SGMS1: variants seen among roughly 807,000 people sequenced by gnomAD.
SGMS1 encodes sphingomyelin synthase 1.
A neutral mutation model predicts 46.2 loss-of-function variants in SGMS1; 13 were observed. The observed-to-expected ratio is 0.28, with a 90% CI of 0.18 to 0.45. The LOEUF (loss-of-function observed/expected upper bound fraction) is 0.45, where lower values mean the gene tolerates loss of function less well. Ranked by LOEUF, SGMS1 falls within the 20% of genes least tolerant of loss-of-function variation. SGMS1 has a pLI of 1.00. For missense variants in SGMS1, 324 were observed against 519.9 expected (o/e 0.62, Z 3.66); for synonymous variants, 203 against 187.8 (o/e 1.08, Z -0.66).
intron 6 of SGMS1, among the ~76,000 whole-genome samples, chr10:50,383,568 C>T (rs1319561996): frequency 6.6e-6 from 1 of 151,946 alleles, no homozygotes; most frequent in Admixed American, 6.6e-5. Context: ...AATCTGGAGA[C>T]CCAGGATGTA....
intron 3 of SGMS1, among the ~76,000 whole-genome samples, chr10:50,475,120 C>A (rs1228959945): frequency 6.6e-6 from 1 of 152,166 alleles, no homozygotes; most frequent in African/African-American, 2.4e-5. Flanking sequence ...TTTTGACTAA[C>A]TTTCCATTTC....
chr10:50,517,364 A>C (rs891217202), intron 3 of SGMS1, among the ~76,000 whole-genome samples: 1 of 152,238 alleles, frequency 6.6e-6, no homozygotes, highest in Admixed American at 6.5e-5. Context: ...ACAGAAATAA[A>C]GATTTTAGAA....
intron 5 of SGMS1, among the ~76,000 whole-genome samples, chr10:50,440,688 G>C (rs780391006): frequency 6.6e-6 from 1 of 152,084 alleles, no homozygotes; most frequent in Non-Finnish European, 1.5e-5. Flanking sequence ...CTGCAGCCAC[G>C]ACTTCCTGCC....
At chr10:50,313,899 C>A (rs1212234) in intron 8 of SGMS1, among the ~76,000 whole-genome samples, 152,296 of 152,296 alleles carry the variant, frequency 1, 76,148 homozygotes, top group Non-Finnish European at 1. Context: ...GCTTCCTTTT[C>A]AAAATATCTT....
At chr10:50,614,092 T>A (rs149784197) in intron 1 of SGMS1, among the ~76,000 whole-genome samples, 1 of 151,586 alleles carries the variant, frequency 6.6e-6, no homozygotes, top group East Asian at 1.9e-4. Context: ...TGGGGATAAG[T>A]GGTGAACAGG....
At chr10:50,536,020 T>TATCC (rs1270220298) in intron 2 of SGMS1, among the ~76,000 whole-genome samples, 2 of 152,112 alleles carry the variant, frequency 1.3e-5, no homozygotes, top group Non-Finnish European at 2.9e-5. Context: ...CCCCCACACA[T>TATCC]ATCCACTCCT....
intron 2 of SGMS1, among the ~76,000 whole-genome samples, chr10:50,526,292 G>A (rs1837900980): frequency 6.6e-6 from 1 of 151,992 alleles, no homozygotes; most frequent in Admixed American, 6.6e-5. Context: ...GGTCGGTGGG[G>A]GAAGTGCCAC....
intron 6 of SGMS1, chr10:50,418,609 A>C (rs546065475): frequency 6.6e-6 from 1 of 152,394 alleles, no homozygotes; most frequent in South Asian, 2.1e-4. Flanking sequence ...CAACTTCGAC[A>C]CAACTTCTAG....
intron 5 of SGMS1, among the ~76,000 whole-genome samples, chr10:50,438,106 T>C (rs886477746): frequency 6.6e-6 from 1 of 151,732 alleles, no homozygotes; most frequent in Non-Finnish European, 1.5e-5. Flanking sequence ...GAGAGGAGAG[T>C]AAGGATAAAG....
chr10:50,617,395 A>T (rs1838808265), intron 1 of SGMS1, among the ~76,000 whole-genome samples: 1 of 152,236 alleles, frequency 6.6e-6, no homozygotes, highest in Admixed American at 6.5e-5. Context: ...ACAGCATATC[A>T]GTGGTTGCTT....
intron 7 of SGMS1, among the ~76,000 whole-genome samples, chr10:50,331,133 C>T (rs553655620): frequency 3.3e-5 from 5 of 152,276 alleles, no homozygotes; most frequent in African/African-American, 4.8e-5. Flanking sequence ...TTAGAGCCAA[C>T]GACCACACTA....
intron 6 of SGMS1, among the ~76,000 whole-genome samples, chr10:50,399,188 A>C (rs1420982958): frequency 6.6e-6 from 1 of 152,188 alleles, no homozygotes; most frequent in Non-Finnish European, 1.5e-5. Flanking sequence ...TGACAAGGTG[A>C]TCATTTGGAC....
rs17179735 is a variant in SGMS1 at position 50,337,109 on chromosome 10, G to A, written c.623+6383C>T. Reference sequence around the variant, plus strand: ...AGAATTAAATAATGGGTAAGTATCCGAAAAAGCACCAGTAATATGAGGGAA... The same window carrying A: ...AGAATTAAATAATGGGTAAGTATCCAAAAAAGCACCAGTAATATGAGGGAA... On this transcript the variant is annotated intron_variant, in intron 7 of 10. Transcript: ENST00000361781. Among the ~76,000 whole-genome samples, 4,258 of 152,130 alleles carry A rather than the reference G, an allele frequency of 0.028. 531 individuals carry two copies. In the East Asian group the frequency reaches 0.36, roughly 13 times the overall value.
intron 7 of SGMS1, among the ~76,000 whole-genome samples, chr10:50,333,472 C>G (rs1055367832): frequency 6.6e-6 from 1 of 152,170 alleles, no homozygotes; most frequent in African/African-American, 2.4e-5. Context: ...TGAGATTGCT[C>G]CATTATCCAA....
intron 5 of SGMS1, among the ~76,000 whole-genome samples, chr10:50,433,936 C>T (rs1361141384): frequency 6.6e-6 from 1 of 152,174 alleles, no homozygotes; most frequent in Non-Finnish European, 1.5e-5. Flanking sequence ...ATTAATTTGC[C>T]TGGAAGGACT....
chr10:50,422,862 C>T (rs539001814), intron 6 of SGMS1, among the ~76,000 whole-genome samples: 1 of 152,178 alleles, frequency 6.6e-6, no homozygotes, highest in Admixed American at 6.5e-5. Context: ...AGAGCCGTTA[C>T]CACCCGCACA....
chr10:50,505,440 C>T (rs1453522328), intron 3 of SGMS1, among the ~76,000 whole-genome samples: 2 of 152,102 alleles, frequency 1.3e-5, no homozygotes, highest in Non-Finnish European at 2.9e-5. Flanking sequence ...GAAGAAAATC[C>T]ATCTTTTCCA....
chr10:50,606,751 AC>A (rs1244530669), intron 1 of SGMS1, among the ~76,000 whole-genome samples: 1 of 152,196 alleles, frequency 6.6e-6, no homozygotes, highest in Non-Finnish European at 1.5e-5. Flanking sequence ...AGTAAACATC[AC>A]AACAGCATGA....
intron 1 of SGMS1, among the ~76,000 whole-genome samples, chr10:50,605,869 T>C (rs1216206339): frequency 2.6e-5 from 4 of 152,198 alleles, no homozygotes; most frequent in Non-Finnish European, 2.9e-5. Context: ...ATCATACTCA[T>C]TAACCAATTT....
Sources: allele counts gnomAD v4.1 joint callset (sites outside exome capture counted in the v4.1 genomes callset), GRCh38; gene constraint gnomAD v4.1.1; transcripts MANE v1.5; gene names NCBI Gene and HGNC (gene_info 2026-07-23, HGNC 2026-07-21).